The following TNIK variants were observed in gnomAD, a reference collection of about 807,000 sequenced individuals.
TNIK encodes the protein TRAF2 and NCK interacting kinase.
In TNIK, 49 loss-of-function variants were observed where a neutral mutation model predicts 191.3. The observed-to-expected ratio is 0.26, with a 90% CI of 0.20 to 0.32. The LOEUF is 0.32. Among genes scored for constraint, TNIK ranks in the 10% least tolerant of loss-of-function variants. The pLI is 1.00. For synonymous variants in TNIK, 594 were observed against 600.9 expected, an observed-to-expected ratio of 0.99 and a Z score of 0.17; for missense variants, 1,155 against 1,702.3, an observed-to-expected ratio of 0.68 and a Z score of 5.66.
chr3:171,166,417 A>C (rs1314674934), intron 10 of TNIK, among the ~76,000 whole-genome samples: 1 of 152,236 alleles, frequency 6.6e-6, no homozygotes, highest in Non-Finnish European at 1.5e-5. Context: ...GCTTCCATTC[A>C]AAAAGGTAGG....
At chr3:171,109,278 C>T (rs553368824) in intron 19 of TNIK, among the ~76,000 whole-genome samples, 21 of 152,324 alleles carry the variant, frequency 1.4e-4, no homozygotes, top group African/African-American at 3.4e-4. Context: ...TCTTCTACCT[C>T]GGCCTTCCGG....
chr3:171,312,912 T>G (rs1754205647), intron 2 of TNIK, among the ~76,000 whole-genome samples: 1 of 152,146 alleles, frequency 6.6e-6, no homozygotes, highest in African/African-American at 2.4e-5. Context: ...TGCTTAAAGA[T>G]GAAAGTCTTG....
Position 171,440,788 on chromosome 3 carries a change from G to C in TNIK, c.57+19219C>G, listed in dbSNP as rs191363961. Among the ~76,000 whole-genome samples the C allele has an allele frequency of 3.0e-4, 45 of 152,288 alleles. No homozygotes were observed. In the East Asian group the frequency reaches 8.5e-3, roughly 29 times the overall value. ...AAATGGCACATTATGATAGGGGCTT[G>C]GGAAGAGTTTCAGGCAGCAGGAACA... On this transcript the variant is annotated intron_variant, in intron 1 of 32. Coordinates refer to ENST00000436636, the MANE Select transcript of TNIK (RefSeq NM_015028.4).
At chr3:171,419,232 A>G (rs1408079823) in intron 1 of TNIK, among the ~76,000 whole-genome samples, 6 of 152,236 alleles carry the variant, frequency 3.9e-5, no homozygotes, top group Non-Finnish European at 7.3e-5. Flanking sequence ...ACATTATGGT[A>G]TGTGAAAGAA....
intron 2 of TNIK, among the ~76,000 whole-genome samples, chr3:171,308,061 A>G (rs1458370898): frequency 2.0e-5 from 3 of 152,210 alleles, no homozygotes; most frequent in Admixed American, 2.0e-4. Context: ...TATTCACAGA[A>G]TTAGAAAAAA....
chr3:171,177,420 A>G, intron 7 of TNIK, 40 bp from the exon 8 acceptor site: 1 of 1,581,252 alleles, frequency 6.3e-7, no homozygotes, highest in East Asian at 2.3e-5. Context: ...AATTCAGTCA[A>G]CAAAGGACAA....
intron 1 of TNIK, among the ~76,000 whole-genome samples, chr3:171,371,136 A>G (rs1447858861): frequency 2.0e-5 from 3 of 152,152 alleles, no homozygotes; most frequent in African/African-American, 7.2e-5. Context: ...GCTTTGCACA[A>G]TGCCTTTCAA....
At chr3:171,347,130 T>C (rs1712336035) in intron 2 of TNIK, 4 of 1,507,014 alleles carry the variant, frequency 2.7e-6, no homozygotes, top group South Asian at 2.5e-5. Context: ...CAGCTGGGCT[T>C]GGTGATGAAA....
chr3:171,066,433 T>C (rs1040484231), intron 31 of TNIK, 107 bp from the exon 32 acceptor site: 56 of 1,558,226 alleles, frequency 3.6e-5, no homozygotes, highest in Non-Finnish European at 4.8e-5. Flanking sequence ...TTGAGATAAA[T>C]GGACAAAGCA....
chr3:171,375,258 T>C (rs1717055117), intron 1 of TNIK, among the ~76,000 whole-genome samples: 1 of 152,222 alleles, frequency 6.6e-6, no homozygotes, highest in South Asian at 2.1e-4. Flanking sequence ...TTTTCATCTT[T>C]GAAAATGAGT....
chr3:171,391,073 G>C (rs917364980), intron 1 of TNIK, among the ~76,000 whole-genome samples: 1 of 152,136 alleles, frequency 6.6e-6, no homozygotes, highest in Non-Finnish European at 1.5e-5. Flanking sequence ...AATAAGTTGA[G>C]GCACTTTTCC....
At chr3:171,298,923 A>G (rs1251347220) in intron 2 of TNIK, among the ~76,000 whole-genome samples, 1 of 152,202 alleles carries the variant, frequency 6.6e-6, no homozygotes, top group Non-Finnish European at 1.5e-5. Flanking sequence ...GGCAATATGC[A>G]AGGAATGGCT....
At chr3:171,145,399 G>A (rs1204781509) in intron 12 of TNIK, among the ~76,000 whole-genome samples, 2 of 151,990 alleles carry the variant, frequency 1.3e-5, no homozygotes, top group African/African-American at 4.8e-5. Context: ...GCTATCTCTT[G>A]AACACACAGA....
At chr3:171,169,371 G>A (rs1230445132) in intron 9 of TNIK, among the ~76,000 whole-genome samples, 3 of 151,948 alleles carry the variant, frequency 2.0e-5, no homozygotes, top group African/African-American at 7.3e-5. Context: ...ACGTTCAAGT[G>A]ATTCTCCTGC....
At chr3:171,434,613 A>G (rs1432178233) in intron 1 of TNIK, among the ~76,000 whole-genome samples, 2 of 151,912 alleles carry the variant, frequency 1.3e-5, no homozygotes, top group African/African-American at 4.8e-5. Context: ...GCATACCACT[A>G]TATCTGGTTA....
chr3:171,377,120 A>G (rs1717371465), intron 1 of TNIK, among the ~76,000 whole-genome samples: 3 of 152,152 alleles, frequency 2.0e-5, no homozygotes. Context: ...ATTCCAGGAC[A>G]CAAACTGCTC....
intron 2 of TNIK, among the ~76,000 whole-genome samples, chr3:171,252,271 G>T (rs1405586821): frequency 6.6e-6 from 1 of 152,104 alleles, no homozygotes; most frequent in Admixed American, 6.6e-5. Flanking sequence ...CTAAATAAAT[G>T]ACTGACTTTT....
chr3:171,460,048 G>T lies in TNIK; in HGVS notation c.16C>A (p.Pro6Thr). ...TCTATTTCATCCAGGCTTCGAGCCG[G>T]GGAGTCGCTCGCCATGTCTACTTCT... Reference protein sequence around the residue: MASDSPARSLDEIDLS... With the variant: MASDSTARSLDEIDLS... Residue 6 changes from proline (P) to threonine (T), a missense_variant, in exon 1 of 33, where the codon CCG (proline) becomes ACG (threonine). Physicochemically the swap from Pro to Thr is conservative, Grantham distance 38 (BLOSUM62 -1). Coordinates refer to ENST00000436636, the MANE Select transcript of TNIK (RefSeq NM_015028.4). The surrounding 1 kb of genome is among the most constrained non-coding windows in gnomAD (Gnocchi z 6.8). The T allele has an allele frequency of 6.2e-7, 1 of 1,608,438 alleles. No individual in the cohort carries two copies. The highest frequency in any genetic ancestry group is 2.2e-5 in the East Asian group (1 of 44,742).
rs574720571 is a variant in TNIK, at chr3:171,245,487, TA to T, written c.124-17267del. On this transcript the variant is annotated intron_variant, in intron 2 of 32. Transcript: ENST00000436636. Reference sequence around the variant, plus strand: ...AACCATAAATTTTTAAATTTTATTATAAAGTAGATTTGTGAAGGTGATTAAA... The same window carrying T: ...AACCATAAATTTTTAAATTTTATTATAAGTAGATTTGTGAAGGTGATTAAA... Among the ~76,000 whole-genome samples, 6 of 151,898 alleles carry T rather than the reference TA, an allele frequency of 4.0e-5. No individual in the cohort carries two copies. In the South Asian group the frequency reaches 1.2e-3, roughly 32 times the overall value.
Sources: allele counts gnomAD v4.1 joint callset (sites outside exome capture counted in the v4.1 genomes callset), GRCh38; gene constraint gnomAD v4.1.1; non-coding constraint Gnocchi (gnomAD v3.1); transcripts MANE v1.5; gene names NCBI Gene and HGNC (gene_info 2026-07-23, HGNC 2026-07-21).